ETS1: variants seen among roughly 807,000 people sequenced by gnomAD.
ETS1 encodes ETS proto-oncogene 1, transcription factor, also known as protein C-ets-1.
ETS1 carries 15 observed loss-of-function variants against 58.6 expected under a neutral mutation model. The observed-to-expected ratio is 0.26, with a 90% confidence interval of 0.17 to 0.39. The LOEUF is 0.39. ETS1 is among the 10% of genes least tolerant of loss of function. The pLI is 1.00. For missense variants in ETS1, 417 were observed against 610.5 expected (o/e 0.68, Z 3.34); for synonymous variants, 214 against 218.2 (o/e 0.98, Z 0.17).
At chr11:128,541,830 A>G (rs186450987) in intron 3 of ETS1, among the ~76,000 whole-genome samples, 62 of 152,338 alleles carry the variant, frequency 4.1e-4, no homozygotes, top group African/African-American at 1.4e-3. Context: ...CAAAACAATG[A>G]TTGCAATATG....
Position 128,491,964 on chromosome 11 carries a change from C to T in ETS1, c.215-1388G>A, listed in dbSNP as rs562269082. On this transcript the variant is annotated intron_variant, in intron 3 of 9. Transcript: ENST00000392668. ...GCAGACCATGTTCACGATGTTGGTA[C>T]ATAAATACAGCTGAACGTAAACATC... Among the ~76,000 whole-genome samples the T allele has an allele frequency of 2.0e-5, 3 of 152,346 alleles. No individual in the cohort carries two copies. In the South Asian group the frequency reaches 6.2e-4, roughly 32 times the overall value.
At chr11:128,521,492 C>A (rs1224284020) in intron 3 of ETS1, among the ~76,000 whole-genome samples, 1 of 152,168 alleles carries the variant, frequency 6.6e-6, no homozygotes, top group Non-Finnish European at 1.5e-5. Flanking sequence ...CTGCCCGGGG[C>A]CCTCCACCCA....
chr11:128,527,791 C>T (rs1863827520), intron 3 of ETS1, among the ~76,000 whole-genome samples: 1 of 152,256 alleles, frequency 6.6e-6, no homozygotes, highest in Non-Finnish European at 1.5e-5. Context: ...TGATCTTACT[C>T]TGCTTTTCTC....
intron 2 of ETS1, among the ~76,000 whole-genome samples, chr11:128,568,036 G>A (rs887394563): frequency 6.6e-6 from 1 of 152,234 alleles, no homozygotes; most frequent in Non-Finnish European, 1.5e-5. Context: ...TTGGGGATAT[G>A]TAGTTAGCCT....
At chr11:128,484,507 G>A (rs1862572207) in intron 7 of ETS1, among the ~76,000 whole-genome samples, 1 of 152,206 alleles carries the variant, frequency 6.6e-6, no homozygotes, top group African/African-American at 2.4e-5. Flanking sequence ...AAGGAAAATA[G>A]AGCATACCTT....
chr11:128,481,632 C>A (rs1020323055), intron 7 of ETS1, among the ~76,000 whole-genome samples: 3 of 152,190 alleles, frequency 2.0e-5, no homozygotes, highest in Non-Finnish European at 2.9e-5. Context: ...CGTAAGTCAA[C>A]TCTTAATTGT....
rs190816995 is a variant in ETS1, at chr11:128,543,192, T to C, written c.214+13099A>G. Among the ~76,000 whole-genome samples the C allele has an allele frequency of 2.5e-4, 32 of 129,892 alleles. No individual in the cohort carries two copies. In the East Asian group the frequency reaches 5.6e-3, roughly 23 times the overall value. 85.2% of individuals were successfully genotyped at this position (129,892 alleles called of 152,430 possible). A position where few individuals can be genotyped will look rare whatever the true frequency, so the allele number is the denominator to read the frequency against. ...CTGGCAACAAGAGCGAAACTCTGTCTCAAAAAAAAAAAAAAAAATTATTTA... is the reference window on the plus strand; with the variant it reads ...CTGGCAACAAGAGCGAAACTCTGTCCCAAAAAAAAAAAAAAAAATTATTTA... On this transcript the variant is annotated intron_variant, in intron 3 of 9. Coordinates refer to ENST00000392668, the MANE Select transcript of ETS1 (RefSeq NM_001143820.2).
At chr11:128,543,860 C>T (rs184328328) in intron 3 of ETS1, among the ~76,000 whole-genome samples, 36 of 152,230 alleles carry the variant, frequency 2.4e-4, no homozygotes, top group Admixed American at 1.2e-3. Context: ...GTCATATTTT[C>T]CCCTCACTAA....
At chr11:128,478,643 G>A (rs1245377243) in intron 8 of ETS1, among the ~76,000 whole-genome samples, 1 of 152,134 alleles carries the variant, frequency 6.6e-6, no homozygotes, top group Non-Finnish European at 1.5e-5. Context: ...AGCTACCTCT[G>A]CCTTTCCTTT....
At chr11:128,567,627 TG>T (rs1864531524) in intron 2 of ETS1, among the ~76,000 whole-genome samples, 2 of 150,920 alleles carry the variant, frequency 1.3e-5, no homozygotes, top group African/African-American at 4.9e-5. Context: ...TTTTTGTTTT[TG>T]TTTTTGTTTT....
chr11:128,586,763 G>A (rs954739956), intron 1 of ETS1, among the ~76,000 whole-genome samples: 2 of 152,192 alleles, frequency 1.3e-5, no homozygotes, highest in Non-Finnish European at 2.9e-5. Context: ...AACGGTGGGT[G>A]AGGAGTCACA....
rs58769096 is a variant in ETS1, at chr11:128,564,030, T to C, written c.70-7595A>G. 4.2e-3 allele frequency among the ~76,000 whole-genome samples: 629 copies of C among 150,754 alleles called. 3 individuals are homozygous for C. Among genetic ancestry groups the C allele is most frequent in the African/African-American group, 0.015 (599 of 40,782 alleles). The stretch of plus-strand genomic sequence containing the variant: ...CGTACCCTCCCAACCACCCTACGGA[T>C]AGGCTGTTTGGCAATGGTGAGGAAC... On this transcript the variant is annotated intron_variant, in intron 2 of 9. Coordinates refer to ENST00000392668, the MANE Select transcript of ETS1 (RefSeq NM_001143820.2).
chr11:128,571,514 A>G (rs1864632614), intron 2 of ETS1, among the ~76,000 whole-genome samples: 4 of 5,302 alleles, frequency 7.5e-4, no homozygotes, highest in African/African-American at 5.4e-3. Flanking sequence ...AAAAAAAAAA[A>G]AAAAAAAAAA....
At chr11:128,522,787 A>G (rs1164344553) in intron 3 of ETS1, among the ~76,000 whole-genome samples, 6 of 152,230 alleles carry the variant, frequency 3.9e-5, no homozygotes, top group African/African-American at 1.4e-4. Flanking sequence ...GACACACAGG[A>G]CGTGAGGCAT....
chr11:128,562,087 G>A (rs1387666431), intron 2 of ETS1, among the ~76,000 whole-genome samples: 2 of 152,210 alleles, frequency 1.3e-5, no homozygotes, highest in Admixed American at 6.5e-5. Context: ...ACCAGGGGTG[G>A]TGAACAAGAG....
intron 3 of ETS1, among the ~76,000 whole-genome samples, chr11:128,541,768 T>C (rs1417720849): frequency 6.6e-6 from 1 of 152,132 alleles, no homozygotes; most frequent in Non-Finnish European, 1.5e-5. Flanking sequence ...ACTAGAAACA[T>C]GACAAGGACA....
intron 3 of ETS1, among the ~76,000 whole-genome samples, chr11:128,522,881 C>G (rs1375702038): frequency 6.6e-6 from 1 of 152,150 alleles, no homozygotes; most frequent in Admixed American, 6.5e-5. Flanking sequence ...TGGACTCCAG[C>G]CGGATCTTGA....
intron 1 of ETS1, among the ~76,000 whole-genome samples, chr11:128,578,033 T>G (rs139532305): frequency 6.6e-6 from 1 of 152,132 alleles, no homozygotes; most frequent in African/African-American, 2.4e-5. Flanking sequence ...ACACTTTGGC[T>G]TATGTGGGTG....
At chr11:128,496,617 C>A (rs148309089) in intron 3 of ETS1, among the ~76,000 whole-genome samples, 4 of 152,208 alleles carry the variant, frequency 2.6e-5, no homozygotes, top group Non-Finnish European at 5.9e-5. Flanking sequence ...CACTGGTCTA[C>A]AAGAGGATTC....
Sources: allele counts gnomAD v4.1 joint callset (sites outside exome capture counted in the v4.1 genomes callset), GRCh38; gene constraint gnomAD v4.1.1; transcripts MANE v1.5; gene names NCBI Gene and HGNC (gene_info 2026-07-23, HGNC 2026-07-21).